CDH4: variants seen among roughly 807,000 people sequenced by gnomAD.
The protein encoded by CDH4 is cadherin 4, also known as cadherin-4.
Under a neutral mutation model 86.0 loss-of-function variants are expected in CDH4, and 33 were observed. The observed-to-expected ratio is 0.38, with a 90% CI of 0.29 to 0.51. The LOEUF (loss-of-function observed/expected upper bound fraction) is 0.51. CDH4 is among the 20% of genes least tolerant of loss of function. CDH4 has a pLI of 0.86. For synonymous variants in CDH4, 555 were observed against 549.4 expected (o/e 1.01, Z -0.14); for missense variants, 1,114 against 1,307.4 (o/e 0.85, Z 2.28).
intron 2 of CDH4, among the ~76,000 whole-genome samples, chr20:61,383,182 AAT>A (rs1284960421): frequency 1.9e-5 from 2 of 103,082 alleles, no homozygotes; most frequent in Admixed American, 2.1e-4. Context: ...TATATTTATG[AAT>A]ATATATGAAT....
intron 2 of CDH4, among the ~76,000 whole-genome samples, chr20:61,320,721 C>T (rs2084503343): frequency 6.6e-6 from 1 of 151,890 alleles, no homozygotes; most frequent in Non-Finnish European, 1.5e-5. Context: ...TCGAGGAAGC[C>T]TGGCTTTAGT....
At chr20:61,508,440 C>A (rs1414156886) in intron 2 of CDH4, among the ~76,000 whole-genome samples, 1 of 152,136 alleles carries the variant, frequency 6.6e-6, no homozygotes, top group Non-Finnish European at 1.5e-5. Flanking sequence ...TGCGGTCGGC[C>A]CTGAGCTCAC....
intron 2 of CDH4, among the ~76,000 whole-genome samples, chr20:61,309,667 A>T (rs2084435252): frequency 6.6e-6 from 1 of 152,210 alleles, no homozygotes; most frequent in African/African-American, 2.4e-5. Context: ...TATTTCAGGG[A>T]AATGCATGAA....
At chr20:61,737,899 T>C (rs1266501223) in intron 2 of CDH4, among the ~76,000 whole-genome samples, 3 of 152,184 alleles carry the variant, frequency 2.0e-5, no homozygotes, top group East Asian at 3.9e-4. Context: ...CTGTGGTTGG[T>C]GTTTGCACCC....
chr20:61,349,881 C>T (rs1017829339), intron 2 of CDH4, among the ~76,000 whole-genome samples: 3 of 152,160 alleles, frequency 2.0e-5, no homozygotes, highest in African/African-American at 7.2e-5. Context: ...AGCTCACCCC[C>T]GGGGCAGGGC....
intron 2 of CDH4, among the ~76,000 whole-genome samples, chr20:61,695,289 C>T (rs1215213374): frequency 6.6e-6 from 1 of 152,260 alleles, no homozygotes; most frequent in Admixed American, 6.5e-5. Flanking sequence ...CAGAGGCGTC[C>T]TGCCCGGGAG....
chr20:61,671,115 AGGTGGATG>A (rs1568746216), intron 2 of CDH4, among the ~76,000 whole-genome samples: 1 of 142,604 alleles, frequency 7.0e-6, no homozygotes, highest in African/African-American at 3.0e-5. Flanking sequence ...GATGATGAAT[AGGTGGATG>A]GGTGGATGCA....
intron 2 of CDH4, among the ~76,000 whole-genome samples, chr20:61,443,709 C>T (rs765134408): frequency 6.6e-6 from 1 of 152,102 alleles, no homozygotes; most frequent in Non-Finnish European, 1.5e-5. Flanking sequence ...AAGGCTGCGA[C>T]TCATATGATT....
chr20:61,751,880 C>G (rs186133481), intron 3 of CDH4, among the ~76,000 whole-genome samples: 1 of 152,318 alleles, frequency 6.6e-6, no homozygotes, highest in Non-Finnish European at 1.5e-5. Flanking sequence ...CTACCTCACA[C>G]CACAACCAAA....
intron 2 of CDH4, among the ~76,000 whole-genome samples, chr20:61,559,177 G>T (rs1418341284): frequency 2.0e-5 from 3 of 152,188 alleles, no homozygotes; most frequent in Non-Finnish European, 1.5e-5. Flanking sequence ...AATTAGCTGG[G>T]TGTGGTGGCT....
intron 2 of CDH4, among the ~76,000 whole-genome samples, chr20:61,594,875 G>T (rs2086544063): frequency 6.6e-6 from 1 of 152,182 alleles, no homozygotes; most frequent in Admixed American, 6.5e-5. Flanking sequence ...GATATTCAGG[G>T]CTTTACTTTC....
At chr20:61,828,162 A>C (rs116571311) in intron 4 of CDH4, among the ~76,000 whole-genome samples, 80 of 152,326 alleles carry the variant, frequency 5.3e-4, no homozygotes, top group African/African-American at 1.9e-3. Context: ...GGGTCTAGAC[A>C]ATGATCATTA....
At chr20:61,529,838 T>C (rs1309704456) in intron 2 of CDH4, among the ~76,000 whole-genome samples, 1 of 152,112 alleles carries the variant, frequency 6.6e-6, no homozygotes, top group African/African-American at 2.4e-5. Flanking sequence ...GTAATTTTTC[T>C]TTTCTTTTCT....
chr20:61,589,500 A>G (rs1045886953), intron 2 of CDH4, among the ~76,000 whole-genome samples: 1 of 152,190 alleles, frequency 6.6e-6, no homozygotes, highest in African/African-American at 2.4e-5. Context: ...GGTGAATATG[A>G]TGTGCCTATC....
chr20:61,524,965 A>T (rs1266352677), intron 2 of CDH4, among the ~76,000 whole-genome samples: 2 of 152,174 alleles, frequency 1.3e-5, no homozygotes, highest in East Asian at 3.8e-4. Flanking sequence ...ATTTAAAAAA[A>T]CCTTCTTTCC....
chr20:61,843,943 C>G (rs1267246116), intron 4 of CDH4, among the ~76,000 whole-genome samples: 1 of 152,224 alleles, frequency 6.6e-6, no homozygotes, highest in Admixed American at 6.5e-5. Context: ...CGCCACTCAC[C>G]TGTGGTGGGC....
chr20:61,469,925 G>A (rs1412189003), intron 2 of CDH4, among the ~76,000 whole-genome samples: 1 of 152,106 alleles, frequency 6.6e-6, no homozygotes, highest in African/African-American at 2.4e-5. Context: ...TTATGTGTCT[G>A]TTTTTATGCC....
rs373906148 is a variant in CDH4, at chr20:61,550,026, TCCTGGCCTC to T, written c.170-193523_170-193515del. 2.4e-3 allele frequency among the ~76,000 whole-genome samples: 367 copies of T among 151,446 alleles called. 1 individual carries two copies. Among genetic ancestry groups the T allele is most frequent in the African/African-American group, 8.2e-3 (335 of 40,964 alleles). ...ACTCACTGCAGCCCTGGCCTCCTTG[TCCTGGCCTC>T]CCTGGCCTCCCTGCCCCAACCTCCC... On this transcript the variant is annotated intron_variant, in intron 2 of 15. Transcript: ENST00000614565.
intron 2 of CDH4, among the ~76,000 whole-genome samples, chr20:61,292,233 G>A (rs773945615): frequency 6.6e-5 from 10 of 152,174 alleles, no homozygotes; most frequent in Non-Finnish European, 1.2e-4. Flanking sequence ...GGAATCAGCC[G>A]AAATGCCCAT....
Sources: gnomAD v4.1 joint callset for allele counts (sites outside exome capture counted in the v4.1 genomes callset) on GRCh38, gnomAD v4.1.1 for gene constraint, MANE v1.5 for transcripts, NCBI Gene and HGNC (gene_info 2026-07-23, HGNC 2026-07-21) for gene names.